The following SV2C variants were observed in gnomAD, a reference collection of about 807,000 sequenced individuals.
SV2C encodes the protein synaptic vesicle glycoprotein 2C.
A neutral mutation model predicts 79.7 loss-of-function variants in SV2C; 49 were observed. The observed-to-expected ratio is 0.61, with a 90% confidence interval of 0.49 to 0.78. The LOEUF (loss-of-function observed/expected upper bound fraction) is 0.78. Ranked by LOEUF, SV2C falls within the 30% of genes least tolerant of loss-of-function variation. The probability of loss-of-function intolerance (pLI) is 0.00; values close to 1 mark genes in which losing one functional copy is unlikely to be tolerated. For synonymous variants in SV2C, 334 were observed against 333.2 expected (o/e 1.00, Z -0.03); for missense variants, 833 against 912.9 (o/e 0.91, Z 1.13).
intron 2 of SV2C, among the ~76,000 whole-genome samples, chr5:76,191,043 A>G (rs1179360129): frequency 6.6e-6 from 1 of 152,166 alleles, no homozygotes; most frequent in Non-Finnish European, 1.5e-5. Context: ...TAAAGAAGAG[A>G]GGTTTAATTA....
intron 12 of SV2C, among the ~76,000 whole-genome samples, chr5:76,346,289 T>C (rs1014023914): frequency 2.0e-5 from 3 of 152,366 alleles, no homozygotes; most frequent in African/African-American, 7.2e-5. Flanking sequence ...GTTTTTAATG[T>C]AATTTGTTTA....
chr5:75,898,745 A>G, the SV2C span, among the ~76,000 whole-genome samples: 1 of 152,032 alleles, frequency 6.6e-6, no homozygotes, highest in African/African-American at 2.4e-5. Context: ...ACAATTTCAG[A>G]TCCTGTTATT....
chr5:76,345,291 T>C (rs988524751), intron 12 of SV2C, among the ~76,000 whole-genome samples: 2 of 152,182 alleles, frequency 1.3e-5, no homozygotes, highest in African/African-American at 4.8e-5. Context: ...AAGCATTCAT[T>C]TAGGACACTT....
At chr5:75,950,882 G>A in the SV2C span, among the ~76,000 whole-genome samples, 3 of 151,904 alleles carry the variant, frequency 2.0e-5, no homozygotes, top group Admixed American at 6.6e-5. Context: ...AGATACATAA[G>A]CTTTGCTGTT....
At chr5:76,117,811 G>A (rs1166018206) in intron 1 of SV2C, among the ~76,000 whole-genome samples, 1 of 152,090 alleles carries the variant, frequency 6.6e-6, no homozygotes, top group African/African-American at 2.4e-5. Flanking sequence ...TGAATGTTTT[G>A]GAAGTTCGGG....
chr5:76,300,593 G>C, intron 10 of SV2C, 136 bp from the exon 11 acceptor site: 1 of 834,278 alleles, frequency 1.2e-6, no homozygotes, highest in Non-Finnish European at 1.9e-6. Context: ...GACCCAAAAA[G>C]TCAAGCTAGC....
chr5:76,044,844 C>T, the SV2C span, among the ~76,000 whole-genome samples: 115 of 152,104 alleles, frequency 7.6e-4, no homozygotes, highest in Middle Eastern at 6.8e-3. Context: ...GATTGCAAAA[C>T]TTTTCTTCCA....
At chr5:75,924,625 T>C in the SV2C span, among the ~76,000 whole-genome samples, 6 of 152,152 alleles carry the variant, frequency 3.9e-5, no homozygotes, top group South Asian at 2.1e-4. Flanking sequence ...TATAACATAC[T>C]ATGCAGCCCT....
chr5:76,079,374 CAT>C (rs59992234), upstream of SV2C: 15,570 of 309,504 alleles, frequency 0.05, 2,383 homozygotes, highest in African/African-American at 0.32. Flanking sequence ...ATGCAAAAAA[CAT>C]GTGGTGATGT....
the SV2C span, among the ~76,000 whole-genome samples, chr5:75,989,996 T>A: frequency 1.3e-5 from 2 of 150,154 alleles, no homozygotes; most frequent in Non-Finnish European, 3.0e-5. Flanking sequence ...TTTTTTTTGG[T>A]AAGTTTGTTT....
At chr5:75,937,137 A>C in the SV2C span, among the ~76,000 whole-genome samples, 8 of 152,216 alleles carry the variant, frequency 5.3e-5, no homozygotes, top group Non-Finnish European at 8.8e-5. Flanking sequence ...TAAAGTGTTT[A>C]ATTTCTTTGT....
At chr5:75,985,037 G>C in the SV2C span, among the ~76,000 whole-genome samples, 21 of 151,954 alleles carry the variant, frequency 1.4e-4, no homozygotes, top group African/African-American at 4.8e-4. Flanking sequence ...GGTTTATTTG[G>C]CTCATGATTC....
intron 4 of SV2C, among the ~76,000 whole-genome samples, chr5:76,261,182 G>A (rs941167615): frequency 2.0e-5 from 3 of 151,910 alleles, no homozygotes; most frequent in African/African-American, 7.3e-5. Context: ...GTATTCCTAG[G>A]TATTTTATTT....
the SV2C span, among the ~76,000 whole-genome samples, chr5:75,993,618 T>C: frequency 6.6e-6 from 1 of 152,050 alleles, no homozygotes. Flanking sequence ...TTTAATGTAA[T>C]ATATTTCCCT....
intron 4 of SV2C, among the ~76,000 whole-genome samples, chr5:76,276,695 A>G (rs1747032914): frequency 6.7e-6 from 1 of 148,718 alleles, no homozygotes; most frequent in Admixed American, 6.7e-5. Flanking sequence ...CTATGACCAC[A>G]GGTATGCACC....
chr5:76,173,115 G>A (rs1371692944), intron 2 of SV2C, among the ~76,000 whole-genome samples: 3 of 144,768 alleles, frequency 2.1e-5, no homozygotes, highest in Admixed American at 6.9e-5. Flanking sequence ...TAATCAAAGC[G>A]CTTATTTTGT....
chr5:75,919,611 C>A, the SV2C span, among the ~76,000 whole-genome samples: 16 of 152,274 alleles, frequency 1.1e-4, no homozygotes, highest in East Asian at 3.1e-3. Context: ...TTTATCATAA[C>A]CCTGCTCTCA....
chr5:76,267,403 T>C (rs913125315), intron 4 of SV2C, among the ~76,000 whole-genome samples: 1 of 152,208 alleles, frequency 6.6e-6, no homozygotes, highest in Admixed American at 6.5e-5. Context: ...AATACATCTA[T>C]ATGAAGTCCA....
chr5:76,233,183 T>G (rs1423050315), intron 4 of SV2C, among the ~76,000 whole-genome samples: 3 of 132,032 alleles, frequency 2.3e-5, no homozygotes, highest in Admixed American at 7.3e-5. Context: ...TCCTAGGTAT[T>G]TTATTCTCTT....
Sources: allele counts gnomAD v4.1 joint callset (sites outside exome capture counted in the v4.1 genomes callset), GRCh38; gene constraint gnomAD v4.1.1; transcripts MANE v1.5; gene names NCBI Gene and HGNC (gene_info 2026-07-23, HGNC 2026-07-21).